The following ZDHHC11 variants were observed in gnomAD, a reference collection of about 807,000 sequenced individuals.
The protein encoded by ZDHHC11 is zDHHC palmitoyltransferase 11, also known as palmitoyltransferase ZDHHC11.
In ZDHHC11, 44 loss-of-function variants were observed where a neutral mutation model predicts 51.3. The ratio of observed to expected loss-of-function variants is 0.86; its 90% CI spans 0.67 to 1.10. The LOEUF (loss-of-function observed/expected upper bound fraction) is 1.10. Ranked by LOEUF, ZDHHC11 falls within the 50% of genes least tolerant of loss-of-function variation. The probability of loss-of-function intolerance (pLI) is 0.00; values close to 1 mark genes in which losing one functional copy is unlikely to be tolerated. For missense variants in ZDHHC11, 400 were observed against 537.7 expected, an observed-to-expected ratio of 0.74 and a Z score of 2.53; for synonymous variants, 163 against 222.0, an observed-to-expected ratio of 0.73 and a Z score of 2.36.
chr5:855,366 G>A (rs1442772204), upstream of ZDHHC11, among the ~76,000 whole-genome samples: 1 of 149,726 alleles, frequency 6.7e-6, no homozygotes, highest in Non-Finnish European at 1.5e-5. Context: ...ACCCCACAGA[G>A]GACAGAGAGC....
chr5:822,091 A>G (rs1178438390), intron 8 of ZDHHC11, among the ~76,000 whole-genome samples, 196 bp from the exon 9 acceptor site: 1 of 151,442 alleles, frequency 6.6e-6, no homozygotes, highest in Non-Finnish European at 1.5e-5. Context: ...GGGCTGAACT[A>G]TATCCTCCTC....
Position 843,736 on chromosome 5 carries a change from C to G in ZDHHC11, c.504-12G>C, listed in dbSNP as rs367971281. 4,459 of 1,571,450 alleles carry G rather than the reference C, an allele frequency of 2.8e-3. 26 individuals are homozygous for G. In the African/African-American group the frequency reaches 0.057, roughly 20 times the overall value. ...TGCTGAAGAAGAACCTGCCGGGAGACACACAGGCAGGCATGGGGGTGGGGA... is the reference window on the plus strand; with the variant it reads ...TGCTGAAGAAGAACCTGCCGGGAGAGACACAGGCAGGCATGGGGGTGGGGA... On this transcript the variant is annotated splice_polypyrimidine_tract_variant and intron_variant, in intron 3 of 12. Transcript: ENST00000283441.
At chr5:799,657 T>A in intron 12 of ZDHHC11, among the ~76,000 whole-genome samples, 1 of 151,470 alleles carries the variant, frequency 6.6e-6, no homozygotes, top group East Asian at 1.9e-4. Context: ...ATTTCACTGT[T>A]CCACACAAAG....
chr5:856,227 C>A (rs1748220046), intron 1 of ZDHHC11, among the ~76,000 whole-genome samples: 1 of 151,098 alleles, frequency 6.6e-6, no homozygotes, highest in Admixed American at 6.6e-5. Context: ...ACACTGACCA[C>A]ACACCGCATA....
intron 4 of ZDHHC11, among the ~76,000 whole-genome samples, chr5:842,838 C>A (rs1330403407): frequency 2.0e-5 from 3 of 151,460 alleles, no homozygotes; most frequent in African/African-American, 4.9e-5. Flanking sequence ...CCTGTGGCTC[C>A]CGGCGACCCC....
chr5:841,019 C>T lies in ZDHHC11; in HGVS notation c.629-369G>A, dbSNP rs867704462. 89 of 1,191,414 alleles carry T rather than the reference C, an allele frequency of 7.5e-5. 1 individual carries two copies. In the Middle Eastern group the frequency reaches 1.1e-3, roughly 14 times the overall value. The allele number at this position is 1,191,414 out of a possible 1,614,324, so 73.8% of individuals were successfully genotyped here. A position where few individuals can be genotyped will look rare whatever the true frequency, so the allele number is the denominator to read the frequency against. ...GTGCCGGGGTCACAGCGCCCACCCC[C>T]CTTCCTCACTAAGTGCCGGGGTCAC... On this transcript the variant is annotated intron_variant, in intron 4 of 12. Coordinates refer to ENST00000283441, the MANE Select transcript of ZDHHC11 (RefSeq NM_024786.3).
intron 6 of ZDHHC11, among the ~76,000 whole-genome samples, chr5:835,182 G>C (rs150146286): frequency 6.2e-4 from 93 of 150,750 alleles, no homozygotes; most frequent in African/African-American, 2.1e-3. Context: ...GATGGATTTG[G>C]GGCTAATTCT....
chr5:831,080 C>A (rs1743016157), intron 7 of ZDHHC11, among the ~76,000 whole-genome samples: 1 of 149,310 alleles, frequency 6.7e-6, no homozygotes, highest in Non-Finnish European at 1.5e-5. Context: ...GACGAAGAAT[C>A]CAAAAGCAAA....
chr5:817,899 GC>G (rs1741027393), intron 10 of ZDHHC11, among the ~76,000 whole-genome samples: 2 of 151,348 alleles, frequency 1.3e-5, no homozygotes, highest in Non-Finnish European at 3.0e-5. Flanking sequence ...GCAGCCCTGG[GC>G]CCTCTCGAAG....
intron 9 of ZDHHC11, 73 bp downstream of exon 9, chr5:821,788 T>A (rs2150336649): frequency 7.1e-7 from 1 of 1,399,720 alleles, no homozygotes; most frequent in South Asian, 1.3e-5. Flanking sequence ...TTTTCCTAAG[T>A]AATTCGAGAT....
chr5:822,784 T>G (rs1407253449), intron 8 of ZDHHC11, among the ~76,000 whole-genome samples: 1 of 151,910 alleles, frequency 6.6e-6, no homozygotes, highest in Non-Finnish European at 1.5e-5. Flanking sequence ...CTCTGGGATT[T>G]CAGGTGTGAA....
rs762303965 is a variant in ZDHHC11, at chr5:850,529, G to A, written c.74C>T (p.Pro25Leu). The change falls in exon 1 of 13, where the codon CCG becomes CTG. Residue 25 changes from proline to leucine, a missense_variant. This residue lies in a region of ZDHHC11 where 119 missense variants were observed against 99.6 expected (regional missense o/e 1.20). Transcript: ENST00000283441. ...GCCGTTCACTCTGGAGATGCGGGGC[G>A]GCAAGACCAGCTTTTCATTATTGAG... The part of the protein sequence containing the change: ...AILNNEKLVL[P>L]PRISRVNGWS... 88 of 1,613,642 alleles carry A rather than the reference G, an allele frequency of 5.5e-5. 2 individuals carry two copies. The South Asian group carries it at 7.0e-4, about 13-fold the overall frequency.
chr5:819,608 TGGCTCTGGTGGG>T lies in ZDHHC11; in HGVS notation c.1059-8_1062del. ...CAAATCAGCCGGGAGTTCCTGGCCT[TGGCTCTGGTGGG>T]GCAAACAGAAGGAAAGAAACACACC... On this transcript the variant is annotated splice_acceptor_variant and splice_polypyrimidine_tract_variant and coding_sequence_variant and intron_variant, in exon 10 of 13. Transcript: ENST00000283441. LOFTEE classifies it high-confidence loss of function. The T allele has an allele frequency of 6.2e-7, 1 of 1,609,132 alleles. No individual in the cohort carries two copies. Among genetic ancestry groups the T allele is most frequent in the Non-Finnish European group, 8.5e-7 (1 of 1,176,160 alleles).
intron 4 of ZDHHC11, 146 bp from the exon 5 acceptor site, chr5:840,796 C>A (rs760938583): frequency 1.3e-5 from 20 of 1,525,304 alleles, no homozygotes; most frequent in Non-Finnish European, 1.7e-5. Context: ...GTGGACGCCT[C>A]CCTTACCTGA....
chr5:847,944 C>T (rs1271899921), intron 2 of ZDHHC11, among the ~76,000 whole-genome samples: 25 of 151,828 alleles, frequency 1.6e-4, no homozygotes, highest in African/African-American at 5.4e-4. Flanking sequence ...CCCATGGTTC[C>T]AGGAGTTGAG....
At chr5:818,834 C>G (rs1341056331) in intron 10 of ZDHHC11, among the ~76,000 whole-genome samples, 1 of 151,412 alleles carries the variant, frequency 6.6e-6, no homozygotes, top group African/African-American at 2.4e-5. Flanking sequence ...ATAATCCATG[C>G]TGGGTGACAG....
chr5:804,818 A>G (rs1447175922), intron 11 of ZDHHC11, among the ~76,000 whole-genome samples: 10 of 151,280 alleles, frequency 6.6e-5, no homozygotes, highest in Non-Finnish European at 1.2e-4. Context: ...AAATTGAGGG[A>G]ATTCATTATC....
upstream of ZDHHC11, among the ~76,000 whole-genome samples, chr5:852,065 AAAAAG>A (rs534522481): frequency 0.033 from 5,083 of 151,810 alleles, 120 homozygotes; most frequent in Non-Finnish European, 0.049. Context: ...CAAAAAAAAA[AAAAAG>A]AAAGAAAGAA....
At chr5:813,984 T>A (rs1344677248) in intron 11 of ZDHHC11, among the ~76,000 whole-genome samples, 7 of 150,902 alleles carry the variant, frequency 4.6e-5, no homozygotes, top group Admixed American at 1.3e-4. Context: ...TGGTTCTAGA[T>A]GAAACTTTAG....
Sources: gnomAD v4.1 joint callset for allele counts (sites outside exome capture counted in the v4.1 genomes callset) on GRCh38, gnomAD v4.1.1 for gene constraint, gnomAD v4.1.1 regional missense constraint, MANE v1.5 for transcripts, NCBI Gene and HGNC (gene_info 2026-07-23, HGNC 2026-07-21) for gene names.